The following PLCH1 variants were observed in gnomAD, a reference collection of about 807,000 sequenced individuals.
PLCH1 encodes the protein 1-phosphatidylinositol 4,5-bisphosphate phosphodiesterase eta-1.
Under a neutral mutation model 126.7 loss-of-function variants are expected in PLCH1, and 60 were observed. The observed-to-expected ratio is 0.47, with a 90% CI of 0.38 to 0.59. The LOEUF (loss-of-function observed/expected upper bound fraction) is 0.59, where lower values mean the gene tolerates loss of function less well. Ranked by LOEUF, PLCH1 falls within the 20% of genes least tolerant of loss-of-function variation. PLCH1 has a pLI of 0.00. For missense variants in PLCH1, 1,723 were observed against 2,040.0 expected (o/e 0.84, Z 2.99); for synonymous variants, 719 against 734.9 (o/e 0.98, Z 0.35).
intron 5 of PLCH1, among the ~76,000 whole-genome samples, chr3:155,585,363 C>A (rs547020522): frequency 1.3e-5 from 2 of 152,116 alleles, no homozygotes; most frequent in Non-Finnish European, 2.9e-5. Flanking sequence ...GGATTATGCA[C>A]GCAACTTATC....
chr3:155,568,509 T>C (rs1728803131), intron 6 of PLCH1, among the ~76,000 whole-genome samples, 185 bp from the exon 7 acceptor site: 1 of 152,232 alleles, frequency 6.6e-6, no homozygotes, highest in Non-Finnish European at 1.5e-5. Flanking sequence ...AATCTTCCTA[T>C]GCATTTTTTA....
At chr3:155,517,689 T>C (rs1434520986) in intron 11 of PLCH1, among the ~76,000 whole-genome samples, 2 of 152,162 alleles carry the variant, frequency 1.3e-5, no homozygotes, top group Non-Finnish European at 2.9e-5. Flanking sequence ...TTAACTTAAT[T>C]ACATCCGCAA....
At chr3:155,698,070 A>G (rs1382115015) in intron 2 of PLCH1, among the ~76,000 whole-genome samples, 1 of 152,188 alleles carries the variant, frequency 6.6e-6, no homozygotes, top group Non-Finnish European at 1.5e-5. Flanking sequence ...TTTGAGATTA[A>G]AATTTTAAAA....
intron 13 of PLCH1, 45 bp from the exon 14 acceptor site, chr3:155,500,839 G>T: frequency 8.0e-7 from 1 of 1,242,928 alleles, no homozygotes; most frequent in Non-Finnish European, 1.2e-6. Flanking sequence ...ATTGTATCAA[G>T]TATATTTACA....
At chr3:155,526,823 T>C (rs1391626016) in intron 10 of PLCH1, among the ~76,000 whole-genome samples, 2 of 152,184 alleles carry the variant, frequency 1.3e-5, no homozygotes, top group Non-Finnish European at 2.9e-5. Flanking sequence ...AATGTTGGGG[T>C]AATTTGCTAT....
intron 2 of PLCH1, among the ~76,000 whole-genome samples, chr3:155,691,159 A>C (rs1485314511): frequency 6.6e-6 from 1 of 152,222 alleles, no homozygotes. Flanking sequence ...TGGATTTGAG[A>C]GTCTGACAAA....
intron 1 of PLCH1, among the ~76,000 whole-genome samples, chr3:155,718,873 G>A (rs993301057): frequency 6.7e-6 from 1 of 149,742 alleles, no homozygotes; most frequent in Non-Finnish European, 1.5e-5. Flanking sequence ...AAGTACTGAG[G>A]AAGTATATTA....
At chr3:155,596,901 A>T (rs542617872) in intron 2 of PLCH1, among the ~76,000 whole-genome samples, 1 of 152,242 alleles carries the variant, frequency 6.6e-6, no homozygotes, top group African/African-American at 2.4e-5. Flanking sequence ...TGTAAATGTA[A>T]TCAGAAAAAA....
intron 2 of PLCH1, among the ~76,000 whole-genome samples, chr3:155,667,339 G>A (rs1156894156): frequency 6.6e-6 from 1 of 152,092 alleles, no homozygotes; most frequent in Admixed American, 6.5e-5. Context: ...ACAAATAAAT[G>A]ATAAAGTAAA....
intron 2 of PLCH1, among the ~76,000 whole-genome samples, chr3:155,675,652 A>G (rs1744010335): frequency 6.6e-6 from 1 of 152,184 alleles, no homozygotes; most frequent in Admixed American, 6.5e-5. Flanking sequence ...GTTAAAACCT[A>G]CTGTTCATAA....
chr3:155,592,795 T>G (rs1732380832), intron 4 of PLCH1, among the ~76,000 whole-genome samples: 1 of 152,210 alleles, frequency 6.6e-6, no homozygotes, highest in Non-Finnish European at 1.5e-5. Flanking sequence ...CATTCAGTAT[T>G]TTTGGTTGGT....
chr3:155,593,468 A>C (rs1398960570), intron 4 of PLCH1, among the ~76,000 whole-genome samples: 1 of 152,254 alleles, frequency 6.6e-6, no homozygotes, highest in East Asian at 1.9e-4. Flanking sequence ...AGTTAGAAAG[A>C]GAAAAAGCAG....
At chr3:155,562,603 T>C (rs1049045972) in intron 8 of PLCH1, among the ~76,000 whole-genome samples, 2 of 152,188 alleles carry the variant, frequency 1.3e-5, no homozygotes, top group African/African-American at 4.8e-5. Context: ...TTTGAATCAG[T>C]AAAGACTGTT....
intron 11 of PLCH1, 134 bp from the exon 12 acceptor site, chr3:155,515,018 A>G (rs1720117397): frequency 1.8e-6 from 1 of 549,198 alleles, no homozygotes; most frequent in African/African-American, 1.9e-5. Flanking sequence ...GCTCAAGTTC[A>G]TTGTACCATC....
At chr3:155,649,071 G>C (rs1185948598) in intron 2 of PLCH1, among the ~76,000 whole-genome samples, 1 of 152,160 alleles carries the variant, frequency 6.6e-6, no homozygotes, top group Non-Finnish European at 1.5e-5. Context: ...CTAAAAGTAA[G>C]CCTGGCTGTG....
In PLCH1 at chr3:155,741,074, T is replaced by A. The variant is rs533950657; in HGVS notation, c.-41+3766A>T. Among the ~76,000 whole-genome samples, 10 of 152,258 alleles carry A rather than the reference T, an allele frequency of 6.6e-5. No homozygotes were observed. The South Asian group carries it at 2.1e-3, about 32-fold the overall frequency. On this transcript the variant is annotated intron_variant, in intron 1 of 22. Transcript: ENST00000460012. ...GAAGCACAGAAGACAGAGATCTTGA[T>A]GATAATAAAATAAAGCTGTGTAAAC... is the stretch of plus-strand genomic sequence containing the variant.
chr3:155,574,637 T>C (rs1158550095), intron 6 of PLCH1, among the ~76,000 whole-genome samples: 1 of 152,196 alleles, frequency 6.6e-6, no homozygotes, highest in Non-Finnish European at 1.5e-5. Flanking sequence ...CATATTCAAC[T>C]GAATAAGACA....
intron 2 of PLCH1, among the ~76,000 whole-genome samples, chr3:155,637,592 T>C (rs1738889241): frequency 6.6e-6 from 1 of 152,210 alleles, no homozygotes; most frequent in African/African-American, 2.4e-5. Context: ...CTATGGAAAA[T>C]GCGTTTTGTG....
intron 10 of PLCH1, among the ~76,000 whole-genome samples, chr3:155,544,312 G>A (rs979015567): frequency 6.6e-6 from 1 of 152,090 alleles, no homozygotes; most frequent in Non-Finnish European, 1.5e-5. Flanking sequence ...AATGGTAAAG[G>A]GACCAATTCA....
Sources: gnomAD v4.1 joint callset for allele counts (sites outside exome capture counted in the v4.1 genomes callset) on GRCh38, gnomAD v4.1.1 for gene constraint, MANE v1.5 for transcripts, NCBI Gene and HGNC (gene_info 2026-07-23, HGNC 2026-07-21) for gene names.